NCR1: variants seen among roughly 807,000 people sequenced by gnomAD.
NCR1 encodes natural cytotoxicity triggering receptor 1.
In NCR1, 30 loss-of-function variants were observed where a neutral mutation model predicts 32.5. The ratio of observed to expected loss-of-function variants is 0.92; its 90% CI spans 0.69 to 1.25. The LOEUF is 1.25. Among genes scored for constraint, NCR1 ranks in the 50% most tolerant of loss-of-function variants. NCR1 has a pLI of 0.00. For missense variants in NCR1, 369 were observed against 380.7 expected, an observed-to-expected ratio of 0.97 and a Z score of 0.26; for synonymous variants, 169 against 143.4, an observed-to-expected ratio of 1.18 and a Z score of -1.28.
chr19:54,899,625 C>G, the NCR1 span, among the ~76,000 whole-genome samples: 2 of 151,790 alleles, frequency 1.3e-5, no homozygotes, highest in African/African-American at 4.8e-5. Context: ...GCGGTACTTG[C>G]CACTAAGGGT....
downstream of NCR1, among the ~76,000 whole-genome samples, chr19:54,914,742 A>AC (rs1369075270): frequency 1.6e-5 from 2 of 124,968 alleles, no homozygotes; most frequent in Non-Finnish European, 3.5e-5. Flanking sequence ...CAAAGATAGC[A>AC]CTTTTTTTTT....
chr19:54,901,043 G>C, the NCR1 span, among the ~76,000 whole-genome samples: 2 of 151,144 alleles, frequency 1.3e-5, no homozygotes, highest in East Asian at 1.9e-4. Context: ...CCAGCACTTT[G>C]GGAGGCCGAG....
At chr19:54,929,642 T>C in the NCR1 span, among the ~76,000 whole-genome samples, 2 of 152,106 alleles carry the variant, frequency 1.3e-5, no homozygotes, top group African/African-American at 4.8e-5. Context: ...TCCTGATTAC[T>C]GGATCCCAGC....
the NCR1 span, among the ~76,000 whole-genome samples, chr19:54,925,855 C>A: frequency 1.3e-5 from 2 of 151,828 alleles, no homozygotes; most frequent in African/African-American, 4.8e-5. Context: ...AAAAAATTAG[C>A]CGGGCGTGGT....
the NCR1 span, among the ~76,000 whole-genome samples, chr19:54,900,462 C>G: frequency 0.033 from 5,023 of 152,170 alleles, 102 homozygotes; most frequent in African/African-American, 0.055. Flanking sequence ...AATGTCATCA[C>G]TTAAGGCAAG....
upstream of NCR1, among the ~76,000 whole-genome samples, chr19:54,905,897 C>T (rs925316633): frequency 1.3e-5 from 2 of 152,168 alleles, no homozygotes; most frequent in Non-Finnish European, 2.9e-5. Flanking sequence ...GCTCTGGGTA[C>T]GACCTCCACA....
At chr19:54,918,138 T>C (rs928791016), downstream of NCR1, among the ~76,000 whole-genome samples, 6 of 152,026 alleles carry the variant, frequency 3.9e-5, no homozygotes, top group African/African-American at 9.7e-5. Flanking sequence ...GGTTTCACCA[T>C]GTTAGCCAGG....
chr19:54,908,653 C>CT (rs34151807), intron 3 of NCR1, among the ~76,000 whole-genome samples: 90,893 of 135,022 alleles, frequency 0.67, 32,334 homozygotes, highest in Non-Finnish European at 0.8. Context: ...CTGGCCGGGG[C>CT]TTTTTTTTTT....
the NCR1 span, chr19:54,934,664 GAA>G: frequency 1.2e-6 from 2 of 1,611,236 alleles, no homozygotes; most frequent in Non-Finnish European, 1.7e-6. This position sits in a 1 kb window ranked among gnomAD's most constrained non-coding sequence, Gnocchi z 6.7. Context: ...CCCAACCTGT[GAA>G]AAGAGTGGGA....
downstream of NCR1, among the ~76,000 whole-genome samples, chr19:54,915,237 A>T (rs1488288477): frequency 6.6e-6 from 1 of 152,054 alleles, no homozygotes; most frequent in Non-Finnish European, 1.5e-5. Context: ...CAAATGAGTG[A>T]ATGTATATAC....
chr19:54,936,242 C>G, the NCR1 span: 1 of 1,609,500 alleles, frequency 6.2e-7, no homozygotes, highest in Non-Finnish European at 8.5e-7. Flanking sequence ...CTGGGGAGAG[C>G]CGTGACCGTG....
the NCR1 span, among the ~76,000 whole-genome samples, chr19:54,928,302 G>A: frequency 1.3e-5 from 2 of 152,286 alleles, no homozygotes; most frequent in East Asian, 1.9e-4. Context: ...TCGAGAGGCA[G>A]GAGAATCGCC....
At chr19:54,898,973 G>A in the NCR1 span, among the ~76,000 whole-genome samples, 2,631 of 152,202 alleles carry the variant, frequency 0.017, 40 homozygotes, top group Non-Finnish European at 0.025. Context: ...TCGGCCTGGC[G>A]AGGAGGGGAG....
chr19:54,903,336 GTA>G (rs1466580613), upstream of NCR1, among the ~76,000 whole-genome samples: 13 of 114,774 alleles, frequency 1.1e-4, no homozygotes, highest in South Asian at 1.5e-3. Context: ...ATACATGTAT[GTA>G]TATACATATA....
At chr19:54,902,217 AGAGAGG>A (rs904728997), upstream of NCR1, among the ~76,000 whole-genome samples, 10 of 152,048 alleles carry the variant, frequency 6.6e-5, no homozygotes, top group Admixed American at 4.6e-4. Flanking sequence ...TTCTTCGGGG[AGAGAGG>A]GAGAGGGAGA....
the NCR1 span, chr19:54,934,471 T>C: frequency 2.5e-6 from 4 of 1,613,580 alleles, no homozygotes; most frequent in South Asian, 2.2e-5. This position sits in a 1 kb window ranked among gnomAD's most constrained non-coding sequence, Gnocchi z 6.7. Context: ...GAGCTGCCCA[T>C]GGGAAGAGGA....
downstream of NCR1, among the ~76,000 whole-genome samples, chr19:54,913,469 CTTCT>C: frequency 6.6e-6 from 1 of 152,330 alleles, no homozygotes; most frequent in East Asian, 1.9e-4. Context: ...AAGATCTCTC[CTTCT>C]TTAACAGGAT....
the NCR1 span, among the ~76,000 whole-genome samples, chr19:54,922,071 T>C: frequency 6.6e-6 from 1 of 152,098 alleles, no homozygotes; most frequent in South Asian, 2.1e-4. Flanking sequence ...TAATTTTGTA[T>C]TTTTAGTAGA....
downstream of NCR1, among the ~76,000 whole-genome samples, chr19:54,919,064 A>T (rs2068188820): frequency 6.6e-6 from 1 of 152,122 alleles, no homozygotes; most frequent in Non-Finnish European, 1.5e-5. Flanking sequence ...AATTGCTGGA[A>T]ATGACATTAT....
Sources: allele counts gnomAD v4.1 joint callset (sites outside exome capture counted in the v4.1 genomes callset), GRCh38; gene constraint gnomAD v4.1.1; non-coding constraint Gnocchi (gnomAD v3.1); transcripts MANE v1.5; gene names NCBI Gene and HGNC (gene_info 2026-07-23, HGNC 2026-07-21).